The following FSTL5 variants were observed in gnomAD, a reference collection of about 807,000 sequenced individuals.
The protein encoded by FSTL5 is follistatin-related protein 5.
A neutral mutation model predicts 89.1 loss-of-function variants in FSTL5; 62 were observed. The observed-to-expected ratio is 0.70, with a 90% CI of 0.57 to 0.86. The LOEUF (loss-of-function observed/expected upper bound fraction) is 0.86. FSTL5 is among the 40% of genes least tolerant of loss of function. The pLI is 0.00. For synonymous variants in FSTL5, 383 were observed against 346.2 expected, an observed-to-expected ratio of 1.11 and a Z score of -1.18; for missense variants, 1,057 against 1,001.6, an observed-to-expected ratio of 1.06 and a Z score of -0.75.
At chr4:161,586,903 T>G (rs1347735903) in intron 8 of FSTL5, among the ~76,000 whole-genome samples, 1 of 152,226 alleles carries the variant, frequency 6.6e-6, no homozygotes, top group Non-Finnish European at 1.5e-5. Context: ...GGAAATGAAA[T>G]ATTTACTAAT....
chr4:161,810,205 A>G (rs1229435181), intron 4 of FSTL5, among the ~76,000 whole-genome samples: 1 of 152,186 alleles, frequency 6.6e-6, no homozygotes, highest in African/African-American at 2.4e-5. Context: ...TAAGAACAAT[A>G]TTAAAACTTA....
At chr4:161,609,907 A>T (rs1328607783) in intron 7 of FSTL5, among the ~76,000 whole-genome samples, 1 of 152,130 alleles carries the variant, frequency 6.6e-6, no homozygotes, top group Non-Finnish European at 1.5e-5. Context: ...TCCAGAACTA[A>T]AACTGTCAAT....
intron 7 of FSTL5, among the ~76,000 whole-genome samples, chr4:161,611,123 C>CATAT (rs201910594): frequency 5.2e-4 from 75 of 143,542 alleles, no homozygotes; most frequent in African/African-American, 1.2e-3. Context: ...AGAAAAGATA[C>CATAT]ATATATATAT....
At chr4:161,475,088 C>A (rs1229801699) in intron 13 of FSTL5, among the ~76,000 whole-genome samples, 1 of 148,970 alleles carries the variant, frequency 6.7e-6, no homozygotes, top group African/African-American at 2.5e-5. Context: ...CTTCTGGCCT[C>A]CATAGTTTCT....
At chr4:161,523,869 A>ACC (rs1462066933) in intron 10 of FSTL5, among the ~76,000 whole-genome samples, 1 of 152,214 alleles carries the variant, frequency 6.6e-6, no homozygotes, top group Non-Finnish European at 1.5e-5. Context: ...TCTCCAGGAT[A>ACC]AAAACTAAAT....
chr4:161,458,074 C>A (rs1260647295), intron 14 of FSTL5, among the ~76,000 whole-genome samples: 1 of 152,076 alleles, frequency 6.6e-6, no homozygotes, highest in Non-Finnish European at 1.5e-5. Flanking sequence ...GCAGGGGACA[C>A]AAGGCACCCA....
chr4:161,827,829 G>A (rs898507996), intron 4 of FSTL5, among the ~76,000 whole-genome samples: 4 of 152,066 alleles, frequency 2.6e-5, no homozygotes, highest in South Asian at 2.1e-4. Flanking sequence ...GTTTGTTTCC[G>A]GGCATGCTGA....
chr4:161,682,512 T>A (rs1283625337), intron 6 of FSTL5, among the ~76,000 whole-genome samples: 3 of 152,202 alleles, frequency 2.0e-5, no homozygotes, highest in African/African-American at 7.2e-5. Context: ...TGTTTTATTA[T>A]CATTTTTAAA....
At chr4:161,958,023 T>C (rs1412463179) in intron 3 of FSTL5, among the ~76,000 whole-genome samples, 1 of 152,036 alleles carries the variant, frequency 6.6e-6, no homozygotes, top group Non-Finnish European at 1.5e-5. Context: ...ATACTATTTT[T>C]TTCACTATCT....
intron 10 of FSTL5, among the ~76,000 whole-genome samples, chr4:161,513,502 G>T (rs568890031): frequency 6.6e-6 from 1 of 152,066 alleles, no homozygotes; most frequent in South Asian, 2.1e-4. Context: ...GTGTATAAAT[G>T]TATATAAATC....
chr4:161,448,969 C>A (rs1386306618), intron 15 of FSTL5, among the ~76,000 whole-genome samples: 3 of 152,044 alleles, frequency 2.0e-5, no homozygotes, highest in African/African-American at 7.2e-5. Flanking sequence ...GGAGGGTAGG[C>A]ATGTTATAAC....
intron 2 of FSTL5, chr4:162,047,326 T>C (rs1738220581): frequency 6.6e-6 from 1 of 152,150 alleles, no homozygotes. Context: ...TCATTCTTAC[T>C]ATGTAGCATG....
chr4:162,000,614 AAACAACAAC>A, intron 3 of FSTL5, among the ~76,000 whole-genome samples: 1 of 151,872 alleles, frequency 6.6e-6, no homozygotes, highest in South Asian at 2.1e-4. Flanking sequence ...AAAAAAACAA[AAACAACAAC>A]AACAACAAAA....
intron 15 of FSTL5, among the ~76,000 whole-genome samples, chr4:161,450,318 TCACACATAAGAAA>T (rs1733117021): frequency 6.6e-6 from 1 of 152,206 alleles, no homozygotes; most frequent in Non-Finnish European, 1.5e-5. Context: ...GCTGCAATGT[TCACACATAAGAAA>T]CTGATATTTA....
chr4:161,791,515 T>C (rs1270748612), intron 4 of FSTL5, among the ~76,000 whole-genome samples: 2 of 152,208 alleles, frequency 1.3e-5, no homozygotes, highest in Admixed American at 6.5e-5. Context: ...AGATGTGCTG[T>C]TGTAGGGCCA....
intron 4 of FSTL5, among the ~76,000 whole-genome samples, chr4:161,853,318 C>T (rs1305051028): frequency 6.6e-6 from 1 of 151,882 alleles, no homozygotes; most frequent in Non-Finnish European, 1.5e-5. Flanking sequence ...CCCAGGCTGG[C>T]GTGCAGTGGC....
chr4:161,882,482 T>C (rs1330330020), intron 4 of FSTL5, among the ~76,000 whole-genome samples: 2 of 152,096 alleles, frequency 1.3e-5, no homozygotes, highest in Non-Finnish European at 2.9e-5. Context: ...AACTGAAAGA[T>C]TTTCTGTTCT....
intron 15 of FSTL5, among the ~76,000 whole-genome samples, chr4:161,414,672 A>G (rs1731711428): frequency 6.6e-6 from 1 of 152,220 alleles, no homozygotes; most frequent in Admixed American, 6.5e-5. Context: ...ATTAAAAACA[A>G]CAAATCAGCA....
At chr4:162,038,301 A>C (rs1443121530) in intron 2 of FSTL5, among the ~76,000 whole-genome samples, 1 of 151,922 alleles carries the variant, frequency 6.6e-6, no homozygotes, top group African/African-American at 2.4e-5. Context: ...TTACATCAGC[A>C]TACTTCATGA....
Sources: allele counts gnomAD v4.1 joint callset (sites outside exome capture counted in the v4.1 genomes callset), GRCh38; gene constraint gnomAD v4.1.1; transcripts MANE v1.5; gene names NCBI Gene and HGNC (gene_info 2026-07-23, HGNC 2026-07-21).